Variants in KITLG observed in about 807,000 individuals in gnomAD.
The protein encoded by KITLG is c-Kit ligand.
KITLG carries 13 observed loss-of-function variants against 34.1 expected under a neutral mutation model. The observed-to-expected ratio is 0.38, with a 90% confidence interval of 0.25 to 0.61. The LOEUF (loss-of-function observed/expected upper bound fraction) is 0.61, where lower values mean the gene tolerates loss of function less well. Ranked by LOEUF, KITLG falls within the 20% of genes least tolerant of loss-of-function variation. The pLI is 0.60. For missense variants in KITLG, 292 were observed against 318.9 expected (o/e 0.92, Z 0.64); for synonymous variants, 110 against 104.0 (o/e 1.06, Z -0.35).
At chr12:88,517,269 G>C (rs1037950949) in intron 4 of KITLG, among the ~76,000 whole-genome samples, 1 of 151,866 alleles carries the variant, frequency 6.6e-6, no homozygotes, top group Non-Finnish European at 1.5e-5. Flanking sequence ...AAAATGGTAT[G>C]ATTAATTGAT....
chr12:88,549,847 G>T (rs1247714662), intron 1 of KITLG, among the ~76,000 whole-genome samples: 1 of 152,142 alleles, frequency 6.6e-6, no homozygotes, highest in Non-Finnish European at 1.5e-5. Flanking sequence ...AACCTTAAGG[G>T]ATCTGACAGA....
At chr12:88,527,559 G>C (rs1284621558) in intron 3 of KITLG, among the ~76,000 whole-genome samples, 3 of 152,192 alleles carry the variant, frequency 2.0e-5, no homozygotes, top group Non-Finnish European at 4.4e-5. Flanking sequence ...GACAATGATA[G>C]CAAAGATTGG....
At chr12:88,501,681 C>T (rs769485137) in intron 9 of KITLG, among the ~76,000 whole-genome samples, 13 of 152,136 alleles carry the variant, frequency 8.5e-5, no homozygotes, top group African/African-American at 2.2e-4. Context: ...ATTCTGAGGA[C>T]GAACTGGCCC....
chr12:88,505,455 A>G (rs900361824), intron 8 of KITLG, among the ~76,000 whole-genome samples: 9 of 152,192 alleles, frequency 5.9e-5, no homozygotes, highest in African/African-American at 1.9e-4. Context: ...CTTTCTCTGT[A>G]TATGCATATA....
At chr12:88,508,317 G>A (rs558862405) in intron 6 of KITLG, among the ~76,000 whole-genome samples, 2 of 152,102 alleles carry the variant, frequency 1.3e-5, no homozygotes, top group Non-Finnish European at 2.9e-5. Context: ...AACATACAAA[G>A]TACCTAGAGT....
intron 2 of KITLG, among the ~76,000 whole-genome samples, chr12:88,535,932 C>G (rs1243808718): frequency 6.6e-6 from 1 of 152,040 alleles, no homozygotes; most frequent in Non-Finnish European, 1.5e-5. Context: ...ATGTAAGGCC[C>G]CACACTGTAA....
chr12:88,515,394 CAAG>C (rs1462480478), intron 6 of KITLG, 137 bp downstream of exon 6: 1 of 604,624 alleles, frequency 1.7e-6, no homozygotes, highest in African/African-American at 1.9e-5. Context: ...ACTTAAGTCT[CAAG>C]AAGACCATAA....
chr12:88,522,419 G>GC (rs1053072504), intron 3 of KITLG, among the ~76,000 whole-genome samples: 1 of 135,036 alleles, frequency 7.4e-6, no homozygotes, highest in Non-Finnish European at 1.5e-5. Context: ...GGTATTAGAT[G>GC]CACAGTCTTT....
intron 2 of KITLG, among the ~76,000 whole-genome samples, chr12:88,536,981 A>G (rs1870342279): frequency 1.3e-5 from 2 of 152,144 alleles, no homozygotes; most frequent in Admixed American, 1.3e-4. Flanking sequence ...TTAAAGTATA[A>G]TTTAAAAAAA....
At chr12:88,532,963 G>T (rs1050195520) in intron 2 of KITLG, among the ~76,000 whole-genome samples, 11 of 152,138 alleles carry the variant, frequency 7.2e-5, no homozygotes, top group Non-Finnish European at 1.5e-4. Flanking sequence ...CCATACCAGA[G>T]CTACTGAATC....
chr12:88,532,546 C>T (rs1157448255), intron 2 of KITLG, 43 bp from the exon 3 acceptor site: 2 of 1,308,906 alleles, frequency 1.5e-6, no homozygotes, highest in Admixed American at 1.8e-5. Context: ...AATTCTTATA[C>T]ATCAATTAAT....
chr12:88,508,965 G>A (rs943477970), intron 6 of KITLG, among the ~76,000 whole-genome samples: 2 of 152,120 alleles, frequency 1.3e-5, no homozygotes, highest in African/African-American at 4.8e-5. Context: ...ACCATTTGAG[G>A]AATTTTAATA....
chr12:88,556,370 C>T (rs1191051695), intron 1 of KITLG, among the ~76,000 whole-genome samples: 1 of 152,062 alleles, frequency 6.6e-6, no homozygotes, highest in East Asian at 1.9e-4. Context: ...GTTTATCAGG[C>T]ATCAGAATGA....
intron 2 of KITLG, among the ~76,000 whole-genome samples, chr12:88,544,139 C>G (rs1870622233): frequency 6.6e-6 from 1 of 152,144 alleles, no homozygotes; most frequent in Non-Finnish European, 1.5e-5. Context: ...TATGGTTCCT[C>G]TTCCCTAAGT....
chr12:88,526,581 G>A (rs1325312939), intron 3 of KITLG, among the ~76,000 whole-genome samples: 2 of 152,168 alleles, frequency 1.3e-5, no homozygotes, highest in Non-Finnish European at 2.9e-5. Context: ...CCTTTGTGAA[G>A]TTTACAGGTT....
At position 88,518,832 on chromosome 12, in the gene KITLG, T is replaced by C. The variant is rs565904807; in HGVS notation, c.228A>G (p.Gln76=). The change falls in exon 4 of 10, where the codon CAA becomes CAG. Residue 76 remains glutamine, a synonymous_variant. Transcript: ENST00000644744. ...GAAGATCAGTCAAGCTGTCTGACAA[T>C]TGTACTACCATCTCGCTTATCCAAC... The part of the protein sequence containing the change: ...SHCWISEMVV[Q]LSDSLTDLLD... The C allele has an allele frequency of 8.7e-6, 14 of 1,613,684 alleles. No individual in the cohort carries two copies. The East Asian group carries it at 1.1e-4, about 13-fold the overall frequency.
chr12:88,552,285 C>T (rs1870944654), intron 1 of KITLG, among the ~76,000 whole-genome samples: 3 of 151,686 alleles, frequency 2.0e-5, no homozygotes, highest in Admixed American at 2.0e-4. Context: ...AGTGATTCTC[C>T]TGCCTCAGCC....
chr12:88,542,813 C>T (rs1220416967), intron 2 of KITLG, among the ~76,000 whole-genome samples: 1 of 152,042 alleles, frequency 6.6e-6, no homozygotes, highest in Non-Finnish European at 1.5e-5. Flanking sequence ...TTAAATAAGT[C>T]CCTGAGAGAC....
chr12:88,507,916 G>A lies in KITLG; in HGVS notation c.605-779C>T, dbSNP rs147375405. ...GATTCATGAATTTAGGTTGGATGTGGTGGCTCACCCCTGTAATCCCAGCAC... is the reference window on the plus strand; with the variant it reads ...GATTCATGAATTTAGGTTGGATGTGATGGCTCACCCCTGTAATCCCAGCAC... On this transcript the variant is annotated intron_variant, in intron 6 of 9. Coordinates refer to ENST00000644744, the MANE Select transcript of KITLG (RefSeq NM_000899.5). Among the ~76,000 whole-genome samples the A allele has an allele frequency of 3.4e-3, 510 of 152,208 alleles. 4 individuals are homozygous for A. The highest frequency in any genetic ancestry group is 0.012 in the African/African-American group (493 of 41,520).
Sources: allele counts gnomAD v4.1 joint callset (sites outside exome capture counted in the v4.1 genomes callset), GRCh38; gene constraint gnomAD v4.1.1; transcripts MANE v1.5; gene names NCBI Gene and HGNC (gene_info 2026-07-23, HGNC 2026-07-21).